The following LRMDA variants were observed in gnomAD, a reference collection of about 807,000 sequenced individuals.
The protein encoded by LRMDA is leucine rich melanocyte differentiation associated.
LRMDA carries 18 observed loss-of-function variants against 29.8 expected under a neutral mutation model. The ratio of observed to expected loss-of-function variants is 0.60; its 90% CI spans 0.42 to 0.90. The LOEUF is 0.90. Among genes scored for constraint, LRMDA ranks in the 40% least tolerant of loss-of-function variants. LRMDA has a pLI of 0.00. For synonymous variants in LRMDA, 125 were observed against 109.4 expected (o/e 1.14, Z -0.89); for missense variants, 273 against 273.9 (o/e 1.00, Z 0.02).
chr10:75,886,169 C>T (rs529994569), intron 2 of LRMDA, among the ~76,000 whole-genome samples: 1 of 152,288 alleles, frequency 6.6e-6, no homozygotes, highest in Admixed American at 6.5e-5. Flanking sequence ...CATTGGTCTG[C>T]AGATGGTTTC....
At chr10:75,763,068 T>C (rs1186209559) in intron 2 of LRMDA, among the ~76,000 whole-genome samples, 1 of 152,210 alleles carries the variant, frequency 6.6e-6, no homozygotes, top group Non-Finnish European at 1.5e-5. Flanking sequence ...TATCTTCAAA[T>C]TTAGCCAGAA....
chr10:75,431,817 C>T (rs904397548), intron 1 of LRMDA, 63 bp downstream of exon 1: 31 of 1,281,628 alleles, frequency 2.4e-5, no homozygotes, highest in Admixed American at 1.2e-4. Context: ...GACAGCGGGG[C>T]ACAGAGGCTC....
chr10:76,336,318 T>C (rs887232638), intron 6 of LRMDA, among the ~76,000 whole-genome samples: 5 of 152,216 alleles, frequency 3.3e-5, no homozygotes, highest in Admixed American at 1.3e-4. Context: ...CACAGGGAGA[T>C]ACAGGATCAT....
intron 5 of LRMDA, among the ~76,000 whole-genome samples, chr10:76,250,615 A>G (rs1852460460): frequency 6.6e-6 from 1 of 152,198 alleles, no homozygotes; most frequent in Admixed American, 6.5e-5. Flanking sequence ...CTGAGGTCAC[A>G]TTTTTCTCCA....
rs188835643 is a variant in LRMDA, at chr10:75,971,141, C to T, written c.132-64867C>T. 5.9e-5 allele frequency among the ~76,000 whole-genome samples: 9 copies of T among 152,242 alleles called. No homozygotes were observed. In the East Asian group the frequency reaches 1.2e-3, roughly 20 times the overall value. ...TCTCAGCACCCCTGAGTCAGTACTG[C>T]CATGTAGAGATATTGGTGAAAAGGA... On this transcript the variant is annotated intron_variant, in intron 2 of 6. Transcript: ENST00000611255.
At chr10:76,463,303 C>A (rs1205347734) in intron 6 of LRMDA, among the ~76,000 whole-genome samples, 1 of 152,166 alleles carries the variant, frequency 6.6e-6, no homozygotes, top group Non-Finnish European at 1.5e-5. Context: ...CAAGTGGGAC[C>A]TATGGATTTT....
intron 2 of LRMDA, among the ~76,000 whole-genome samples, chr10:75,526,512 C>T (rs998320044): frequency 6.6e-6 from 1 of 151,948 alleles, no homozygotes; most frequent in Non-Finnish European, 1.5e-5. Flanking sequence ...ATGGAGATTA[C>T]AAGAATGGAG....
chr10:76,034,036 C>T (rs929785960), intron 2 of LRMDA, among the ~76,000 whole-genome samples: 8 of 152,086 alleles, frequency 5.3e-5, no homozygotes, highest in African/African-American at 1.4e-4. Context: ...CACTTATTCT[C>T]GACAAGATCC....
intron 5 of LRMDA, among the ~76,000 whole-genome samples, chr10:76,220,890 G>A (rs540723532): frequency 0.01 from 1,546 of 152,056 alleles, 26 homozygotes; most frequent in African/African-American, 0.034. Flanking sequence ...CTGGCAAACC[G>A]AATCCAGCAG....
At chr10:75,680,345 G>A (rs2132151808) in intron 2 of LRMDA, among the ~76,000 whole-genome samples, 1 of 152,276 alleles carries the variant, frequency 6.6e-6, no homozygotes, top group Non-Finnish European at 1.5e-5. Flanking sequence ...GGGAAGACCA[G>A]GAAAATGTTA....
At chr10:75,867,158 G>A (rs1334555189) in intron 2 of LRMDA, among the ~76,000 whole-genome samples, 1 of 151,980 alleles carries the variant, frequency 6.6e-6, no homozygotes, top group African/African-American at 2.4e-5. Flanking sequence ...GAGCAAGTGA[G>A]ATACAGATTT....
At chr10:76,421,093 A>G (rs867544262) in intron 6 of LRMDA, among the ~76,000 whole-genome samples, 2 of 151,970 alleles carry the variant, frequency 1.3e-5, no homozygotes, top group African/African-American at 2.4e-5. Flanking sequence ...CCTTTTTGTT[A>G]TCTGCTTCTT....
chr10:75,598,922 G>A (rs1840842436), intron 2 of LRMDA, among the ~76,000 whole-genome samples: 1 of 152,200 alleles, frequency 6.6e-6, no homozygotes. Context: ...TTTGGACAGA[G>A]TGTCCAGGCT....
intron 2 of LRMDA, among the ~76,000 whole-genome samples, chr10:75,906,036 T>C (rs1313309164): frequency 6.6e-6 from 1 of 151,676 alleles, no homozygotes; most frequent in Non-Finnish European, 1.5e-5. Context: ...AACCTCATCC[T>C]AGATGCTCCC....
At chr10:75,881,617 G>A (rs1019197759) in intron 2 of LRMDA, among the ~76,000 whole-genome samples, 9 of 152,004 alleles carry the variant, frequency 5.9e-5, no homozygotes, top group Non-Finnish European at 7.4e-5. Context: ...CCTCTGATTC[G>A]TTGCTTTCCA....
intron 5 of LRMDA, among the ~76,000 whole-genome samples, chr10:76,133,649 A>G (rs750552515): frequency 7.9e-5 from 12 of 152,242 alleles, no homozygotes; most frequent in Non-Finnish European, 1.2e-4. Context: ...TCCTGACAGC[A>G]GATTTAATTC....
At chr10:76,244,376 G>A (rs1459663330) in intron 5 of LRMDA, among the ~76,000 whole-genome samples, 1 of 152,050 alleles carries the variant, frequency 6.6e-6, no homozygotes, top group Non-Finnish European at 1.5e-5. Flanking sequence ...CTCCTAAAAT[G>A]TCTGCAAAAC....
intron 6 of LRMDA, among the ~76,000 whole-genome samples, chr10:76,501,581 T>A (rs1284326953): frequency 6.6e-6 from 1 of 152,090 alleles, no homozygotes; most frequent in Non-Finnish European, 1.5e-5. Flanking sequence ...TGAGATGGTT[T>A]TCCATTGTGG....
chr10:75,851,313 G>T (rs1844729022), intron 2 of LRMDA, among the ~76,000 whole-genome samples: 1 of 152,062 alleles, frequency 6.6e-6, no homozygotes, highest in Non-Finnish European at 1.5e-5. Flanking sequence ...TGTGATGCTG[G>T]GCTACTCAGA....
Sources: gnomAD v4.1 joint callset for allele counts (sites outside exome capture counted in the v4.1 genomes callset) on GRCh38, gnomAD v4.1.1 for gene constraint, MANE v1.5 for transcripts, NCBI Gene and HGNC (gene_info 2026-07-23, HGNC 2026-07-21) for gene names.